Variants in MLLT10 observed in about 807,000 individuals in gnomAD.
The protein encoded by MLLT10 is MLLT10 histone lysine methyltransferase DOT1L cofactor.
Under a neutral mutation model 129.1 loss-of-function variants are expected in MLLT10, and 30 were observed. The ratio of observed to expected loss-of-function variants is 0.23; its 90% CI spans 0.17 to 0.32. The LOEUF (loss-of-function observed/expected upper bound fraction) is 0.32. MLLT10 is among the 10% of genes least tolerant of loss of function. The pLI, the probability that MLLT10 is intolerant of heterozygous loss-of-function variation, is 1.00. For synonymous variants in MLLT10, 490 were observed against 446.4 expected, an observed-to-expected ratio of 1.10 and a Z score of -1.23; for missense variants, 1,119 against 1,268.3, an observed-to-expected ratio of 0.88 and a Z score of 1.79.
intron 16 of MLLT10, among the ~76,000 whole-genome samples, chr10:21,729,605 G>A (rs2057790835): frequency 6.6e-6 from 1 of 152,216 alleles, no homozygotes; most frequent in Admixed American, 6.5e-5. Context: ...TGGGTTGTTA[G>A]AAGACCTGAG....
At chr10:21,694,338 C>T (rs959087355) in intron 13 of MLLT10, among the ~76,000 whole-genome samples, 13 of 152,154 alleles carry the variant, frequency 8.5e-5, no homozygotes, top group African/African-American at 1.9e-4. Flanking sequence ...TTTTTCATTA[C>T]TAAATTCAGA....
chr10:21,646,428 C>G (rs1205447075), intron 8 of MLLT10, among the ~76,000 whole-genome samples: 1 of 151,648 alleles, frequency 6.6e-6, no homozygotes, highest in African/African-American at 2.4e-5. Flanking sequence ...TTTCCCCTTG[C>G]TCTTGATTTT....
At chr10:21,661,166 TATGA>T (rs1380539146) in intron 9 of MLLT10, among the ~76,000 whole-genome samples, 9 of 152,232 alleles carry the variant, frequency 5.9e-5, no homozygotes, top group Non-Finnish European at 1.3e-4. Flanking sequence ...AGGCACACTG[TATGA>T]TTTCTATTCT....
chr10:21,665,301 T>TGG (rs60935994), intron 9 of MLLT10, among the ~76,000 whole-genome samples: 191 of 112,928 alleles, frequency 1.7e-3, no homozygotes, highest in East Asian at 8.0e-3. Flanking sequence ...TTGTTTTTTT[T>TGG]GGGGGGGGGG....
At chr10:21,536,008 AGCTTACTGCAACCTCT>A (rs1253366958) in intron 2 of MLLT10, among the ~76,000 whole-genome samples, 1 of 152,136 alleles carries the variant, frequency 6.6e-6, no homozygotes, top group South Asian at 2.1e-4. Flanking sequence ...GTGCCATCTC[AGCTTACTGCAACCTCT>A]GCCTCCTGGG....
chr10:21,623,899 A>G (rs1448635945), intron 8 of MLLT10, among the ~76,000 whole-genome samples: 1 of 152,136 alleles, frequency 6.6e-6, no homozygotes, highest in Non-Finnish European at 1.5e-5. Context: ...AAATGGAGTT[A>G]TGTTGACTTT....
At chr10:21,640,075 G>T (rs2047836856) in intron 8 of MLLT10, among the ~76,000 whole-genome samples, 1 of 150,916 alleles carries the variant, frequency 6.6e-6, no homozygotes, top group Non-Finnish European at 1.5e-5. Flanking sequence ...CAAAAGATAC[G>T]CCTGTTTTTT....
intron 4 of MLLT10, among the ~76,000 whole-genome samples, chr10:21,592,031 A>G (rs1195134083): frequency 6.6e-6 from 1 of 152,176 alleles, no homozygotes; most frequent in Admixed American, 6.5e-5. Context: ...TGTGTGTGCC[A>G]CTTAACACGA....
intron 9 of MLLT10, among the ~76,000 whole-genome samples, chr10:21,670,175 T>C (rs2051244944): frequency 6.6e-6 from 1 of 152,202 alleles, no homozygotes; most frequent in African/African-American, 2.4e-5. Flanking sequence ...TTCATAAATA[T>C]AACTAATACA....
chr10:21,626,562 A>G (rs1255822630), intron 8 of MLLT10, among the ~76,000 whole-genome samples: 2 of 152,262 alleles, frequency 1.3e-5, no homozygotes, highest in South Asian at 2.1e-4. Context: ...ACGCCTTTTA[A>G]TGGCCCCATC....
At chr10:21,653,023 T>C (rs2049204189) in intron 9 of MLLT10, among the ~76,000 whole-genome samples, 1 of 152,192 alleles carries the variant, frequency 6.6e-6, no homozygotes, top group African/African-American at 2.4e-5. Flanking sequence ...GGAAAGACTG[T>C]GGGCATAGCA....
intron 3 of MLLT10, among the ~76,000 whole-genome samples, chr10:21,559,762 G>T (rs554401189): frequency 6.6e-6 from 1 of 152,164 alleles, no homozygotes; most frequent in African/African-American, 2.4e-5. Flanking sequence ...CGTCTATGTT[G>T]TAGCATGTAC....
intron 17 of MLLT10, 120 bp from the exon 18 acceptor site, chr10:21,732,779 C>T (rs2058068518): frequency 1.3e-6 from 1 of 764,456 alleles, no homozygotes; most frequent in Non-Finnish European, 1.9e-6. Flanking sequence ...CATTTAGAAA[C>T]ACTTTACAGA....
chr10:21,635,812 C>T (rs927994186), intron 8 of MLLT10, among the ~76,000 whole-genome samples: 8 of 151,396 alleles, frequency 5.3e-5, no homozygotes, highest in Middle Eastern at 3.2e-3. Context: ...CTGCCACCTC[C>T]GCCTCCCGGG....
At chr10:21,707,507 A>G (rs780630100) in intron 13 of MLLT10, among the ~76,000 whole-genome samples, 44 of 152,208 alleles carry the variant, frequency 2.9e-4, no homozygotes, top group Non-Finnish European at 4.1e-4. Flanking sequence ...AGATGATTCT[A>G]ATTTCTAGAT....
At chr10:21,539,109 T>C (rs2034614473) in intron 3 of MLLT10, 197 bp downstream of exon 3, 1 of 476,278 alleles carries the variant, frequency 2.1e-6, no homozygotes, top group Non-Finnish European at 3.7e-6. Flanking sequence ...CAAGTGAGTA[T>C]ATTTTGGATA....
chr10:21,633,424 G>T (rs2047180917), intron 8 of MLLT10, among the ~76,000 whole-genome samples: 1 of 152,132 alleles, frequency 6.6e-6, no homozygotes, highest in South Asian at 2.1e-4. Flanking sequence ...AGATTTTTAG[G>T]CCAGGCATAG....
rs971821765 is a variant in MLLT10 at position 21,743,211 on chromosome 10, C to G, written c.*1228C>G. The G allele has an allele frequency of 4.4e-6, 1 of 228,858 alleles. No homozygotes were observed. Among genetic ancestry groups the G allele is most frequent in the Non-Finnish European group, 8.7e-6 (1 of 115,186 alleles). 14.2% of individuals were successfully genotyped at this position (228,858 alleles called of 1,614,324 possible). On this transcript the variant is annotated 3_prime_UTR_variant, in exon 23 of 23. Transcript: ENST00000307729. ...GGAAAAGACCCAGCTGTAATTAGAC[C>G]TCCACTGTGTACTTAGCTGGAAGAA...
chr10:21,538,967 G>T (rs1201681412), intron 3 of MLLT10, 55 bp downstream of exon 3: 10 of 1,251,388 alleles, frequency 8.0e-6, no homozygotes, highest in South Asian at 1.2e-5. Context: ...AGGAAATTAG[G>T]AACTGCACTC....
Sources: allele counts gnomAD v4.1 joint callset (sites outside exome capture counted in the v4.1 genomes callset), GRCh38; gene constraint gnomAD v4.1.1; transcripts MANE v1.5; gene names NCBI Gene and HGNC (gene_info 2026-07-23, HGNC 2026-07-21).